Variants in UNC80 observed in about 807,000 individuals in gnomAD.
UNC80 encodes unc-80 subunit of NALCN channel complex.
Under a neutral mutation model 384.6 loss-of-function variants are expected in UNC80, and 164 were observed. That is an observed-to-expected ratio of 0.43 (90% CI 0.38 to 0.49). UNC80 has a LOEUF of 0.49. Ranked by LOEUF, UNC80 falls within the 20% of genes least tolerant of loss-of-function variation. The probability of loss-of-function intolerance (pLI) is 0.00; values close to 1 mark genes in which losing one functional copy is unlikely to be tolerated. For synonymous variants in UNC80, 1,486 were observed against 1,527.8 expected (o/e 0.97, Z 0.64); for missense variants, 3,330 against 4,143.0 (o/e 0.80, Z 5.39).
intron 23 of UNC80, 128 bp downstream of exon 23, chr2:209,873,098 C>A (rs2084446383): frequency 4.8e-6 from 4 of 830,608 alleles, no homozygotes; most frequent in Admixed American, 5.5e-5. Context: ...CTGAAGGAAA[C>A]ACTTTGGGAA....
At chr2:209,850,272 C>T (rs2082431289) in intron 22 of UNC80, among the ~76,000 whole-genome samples, 4 of 152,020 alleles carry the variant, frequency 2.6e-5, no homozygotes, top group Admixed American at 2.6e-4. Context: ...AACTCAGCCT[C>T]TCAATTTATT....
chr2:209,918,637 C>T lies in UNC80; in HGVS notation c.5317C>T (p.Gln1773Ter). ...PWVPQCSGSV[Q>*]DPINEDQSKS... ...GGTTCCTCAGTGCAGCGGGAGTGTC[C>T]AGGACCCCATTAATGAAGACCAGTC... is the stretch of plus-strand genomic sequence containing the variant. Residue 1773 changes from glutamine (Q) to a stop codon, truncating the protein, a stop_gained, in exon 33 of 65, where the codon CAG becomes TAG. Coordinates refer to ENST00000673920, the MANE Select transcript of UNC80 (RefSeq NM_001371986.1). LOFTEE classifies it high-confidence loss of function. 6.5e-7 allele frequency: 1 copy of T among 1,550,322 alleles called. No individual in the cohort carries two copies. The highest frequency in any genetic ancestry group is 8.7e-7 in the Non-Finnish European group (1 of 1,146,056).
At chr2:209,843,808 C>A (rs768008244) in intron 21 of UNC80, among the ~76,000 whole-genome samples, 18 of 152,138 alleles carry the variant, frequency 1.2e-4, no homozygotes, top group Non-Finnish European at 2.5e-4. Context: ...TTTTAGTGAA[C>A]CATACAGTTA....
chr2:209,945,044 T>G lies in UNC80; in HGVS notation c.7051-7T>G. On this transcript the variant is annotated splice_region_variant and splice_polypyrimidine_tract_variant and intron_variant, in intron 45 of 64. Transcript: ENST00000673920. ...GTCAATAAACAAAAATTGTTTTTCT[T>G]TATCAGGATGCTGCCAATAATGGGC... The G allele has an allele frequency of 6.5e-7, 1 of 1,548,208 alleles. No homozygotes were observed. Among genetic ancestry groups the G allele is most frequent in the South Asian group, 1.2e-5 (1 of 83,180 alleles).
At chr2:209,933,771 T>G in intron 38 of UNC80, 51 bp from the exon 39 acceptor site, 66 of 1,458,268 alleles carry the variant, frequency 4.5e-5, no homozygotes, top group Non-Finnish European at 5.5e-5. Context: ...AATGAGAATG[T>G]GAGCTCGGGA....
intron 27 of UNC80, 125 bp from the exon 28 acceptor site, chr2:209,896,188 C>T: frequency 2.5e-6 from 2 of 788,796 alleles, no homozygotes; most frequent in Non-Finnish European, 2.2e-6. Flanking sequence ...CAATGCTATG[C>T]CCTGTAACCC....
chr2:209,969,711 G>A, intron 52 of UNC80, 57 bp from the exon 53 acceptor site: 2 of 1,545,286 alleles, frequency 1.3e-6, no homozygotes, highest in South Asian at 2.4e-5. Context: ...TCATTCACTT[G>A]TTTCAGACTC....
Position 209,996,493 on chromosome 2 carries a change from T to A in UNC80, c.*898T>A, listed in dbSNP as rs1559461198. Reference sequence around the variant, plus strand: ...TCCTTATAGTATCCTGTGCCTGCCCTGGAGGGCATATTTTCAGATATTAAG... The same window carrying A: ...TCCTTATAGTATCCTGTGCCTGCCCAGGAGGGCATATTTTCAGATATTAAG... On this transcript the variant is annotated 3_prime_UTR_variant, in exon 65 of 65. Coordinates refer to ENST00000673920, the MANE Select transcript of UNC80 (RefSeq NM_001371986.1). The A allele has an allele frequency of 6.6e-6, 1 of 152,276 alleles. No homozygotes were observed. The highest frequency in any genetic ancestry group is 2.4e-5 in the African/African-American group (1 of 41,474). 9.4% of individuals were successfully genotyped at this position (152,276 alleles called of 1,614,324 possible).
chr2:209,930,278 A>G (rs1015706758), intron 37 of UNC80, among the ~76,000 whole-genome samples: 2 of 152,078 alleles, frequency 1.3e-5, no homozygotes, highest in Non-Finnish European at 2.9e-5. Context: ...AATGCTTGGC[A>G]GTCTGATGCA....
At chr2:209,946,094 C>T (rs999315282) in intron 47 of UNC80, among the ~76,000 whole-genome samples, 151 bp downstream of exon 47, 7 of 152,064 alleles carry the variant, frequency 4.6e-5, no homozygotes, top group African/African-American at 1.4e-4. Context: ...GGTGTGGTGG[C>T]TCACACCTAT....
At chr2:209,778,678 C>T (rs1401540237) in intron 4 of UNC80, among the ~76,000 whole-genome samples, 1 of 152,160 alleles carries the variant, frequency 6.6e-6, no homozygotes, top group Non-Finnish European at 1.5e-5. Context: ...GTAAGACACA[C>T]ACTGCAGTTC....
intron 53 of UNC80, chr2:209,970,418 C>G (rs2092851624): frequency 5.4e-6 from 1 of 184,806 alleles, no homozygotes; most frequent in South Asian, 1.2e-4. Flanking sequence ...ATAGGACCTG[C>G]TGCTTCACTA....
Position 209,977,017 on chromosome 2 carries a change from G to C in UNC80, c.8877G>C (p.Ser2959=), listed in dbSNP as rs188436293. ...RFIPRPLCKS[S]LIAEFNSELK... ...TACCACGCCCTTTGTGTAAGAGCTC[G>C]CTCATTGCTGAGTTCAACAGTGAAC... The change falls in exon 58 of 65, where the codon TCG becomes TCC. Residue 2959 remains serine, a synonymous_variant. Transcript: ENST00000673920. 3.3e-5 allele frequency: 50 copies of C among 1,537,830 alleles called. No homozygotes were observed. Among genetic ancestry groups the C allele is most frequent in the Non-Finnish European group, 4.1e-5 (46 of 1,135,546 alleles).
intron 7 of UNC80, among the ~76,000 whole-genome samples, chr2:209,810,727 C>A (rs1414790237): frequency 6.6e-6 from 1 of 152,164 alleles, no homozygotes; most frequent in African/African-American, 2.4e-5. Flanking sequence ...GGGTGAAGAA[C>A]AACTACCAGC....
chr2:209,943,380 G>A lies in UNC80; in HGVS notation c.6916G>A (p.Val2306Met). The change falls in exon 45 of 65, where the codon GTG becomes ATG. Residue 2306 changes from valine (V) to methionine (M), a missense_variant and splice_region_variant. Around this residue, in one of 8 missense-constraint regions of UNC80, gnomAD observed 1,049 missense variants for 1,488.6 expected, o/e 0.70. Coordinates refer to ENST00000673920, the MANE Select transcript of UNC80 (RefSeq NM_001371986.1). ...TTGAATATCTGGCATTTTTCCATAGGTGTACTCCGACTATGAAAGCAATCC... is the reference window on the plus strand; with the variant it reads ...TTGAATATCTGGCATTTTTCCATAGATGTACTCCGACTATGAAAGCAATCC... ...YQWILPTMLQ[V>M]YSDYESNPQL... 1 of 1,552,008 alleles carries A rather than the reference G, an allele frequency of 6.4e-7. No individual in the cohort carries two copies. Among genetic ancestry groups the A allele is most frequent in the Non-Finnish European group, 8.7e-7 (1 of 1,147,018 alleles).
chr2:209,850,353 A>G (rs1475977110), intron 22 of UNC80, among the ~76,000 whole-genome samples: 1 of 152,138 alleles, frequency 6.6e-6, no homozygotes, highest in Non-Finnish European at 1.5e-5. Context: ...ACATCAGGAA[A>G]AAAAGTATTT....
intron 26 of UNC80, among the ~76,000 whole-genome samples, chr2:209,890,910 T>A (rs1158095909): frequency 6.6e-6 from 1 of 152,220 alleles, no homozygotes; most frequent in Non-Finnish European, 1.5e-5. Flanking sequence ...CTCTAGAGCC[T>A]CCTTTAAACT....
intron 53 of UNC80, 44 bp downstream of exon 53, chr2:209,969,935 A>G (rs2092835100): frequency 1.0e-5 from 16 of 1,546,950 alleles, no homozygotes; most frequent in Non-Finnish European, 1.4e-5. Context: ...GCACAATGTA[A>G]CTCTGCTATT....
intron 6 of UNC80, among the ~76,000 whole-genome samples, chr2:209,790,469 C>T (rs1184159689): frequency 6.6e-6 from 1 of 152,150 alleles, no homozygotes; most frequent in African/African-American, 2.4e-5. Flanking sequence ...ATATATTTTT[C>T]ACATTTAACA....
Sources: gnomAD v4.1 joint callset for allele counts (sites outside exome capture counted in the v4.1 genomes callset) on GRCh38, gnomAD v4.1.1 for gene constraint, gnomAD v4.1.1 regional missense constraint, MANE v1.5 for transcripts, NCBI Gene and HGNC (gene_info 2026-07-23, HGNC 2026-07-21) for gene names.